PTPN14: variants seen among roughly 807,000 people sequenced by gnomAD.
PTPN14 encodes tyrosine-protein phosphatase non-receptor type 14.
Under a neutral mutation model 126.8 loss-of-function variants are expected in PTPN14, and 53 were observed. The ratio of observed to expected loss-of-function variants is 0.42; its 90% CI spans 0.34 to 0.53. PTPN14 has a LOEUF of 0.53. PTPN14 is among the 20% of genes least tolerant of loss of function. The probability of loss-of-function intolerance (pLI) is 0.08; values close to 1 mark genes in which losing one functional copy is unlikely to be tolerated. For missense variants in PTPN14, 1,257 were observed against 1,552.9 expected, an observed-to-expected ratio of 0.81 and a Z score of 3.20; for synonymous variants, 630 against 599.3, an observed-to-expected ratio of 1.05 and a Z score of -0.75.
In PTPN14 at chr1:214,397,969, A is replaced by G. The variant is rs906656488; in HGVS notation, c.702T>C (p.Ile234=). 2 of 1,613,114 alleles carry G rather than the reference A, an allele frequency of 1.2e-6. No individual in the cohort carries two copies. Among genetic ancestry groups the G allele is most frequent in the African/African-American group, 1.3e-5 (1 of 75,052 alleles). Residue 234 remains isoleucine (I), a synonymous_variant, in exon 8 of 19, where the codon ATT becomes ATC. Coordinates refer to ENST00000366956, the MANE Select transcript of PTPN14 (RefSeq NM_005401.5). The part of the protein sequence containing the change: ...DNHGNCVHLG[I]FFMGIFVRNR... Reference sequence around the variant, plus strand: ...TCCTCACGAAAATCCCCATAAAGAAAATGCCAAGGTGTACACAGTTTCCAT... The same window carrying G: ...TCCTCACGAAAATCCCCATAAAGAAGATGCCAAGGTGTACACAGTTTCCAT...
intron 1 of PTPN14, among the ~76,000 whole-genome samples, chr1:214,511,539 G>A (rs1654974240): frequency 6.6e-6 from 1 of 152,010 alleles, no homozygotes; most frequent in Non-Finnish European, 1.5e-5. Context: ...CGAGGATGTG[G>A]GAAAAATTGG....
At chr1:214,504,716 T>A (rs1654790371) in intron 1 of PTPN14, among the ~76,000 whole-genome samples, 1 of 152,176 alleles carries the variant, frequency 6.6e-6, no homozygotes, top group Non-Finnish European at 1.5e-5. Context: ...GGCACCAGCC[T>A]GAATGAGCTT....
At position 214,387,313 on chromosome 1, in the gene PTPN14, A is replaced by G. The variant is rs561281383; in HGVS notation, c.988-391T>C. On this transcript the variant is annotated intron_variant, in intron 11 of 18. Transcript: ENST00000366956. ...GATTGACTGAGCTCAGGAGTTCAAG[A>G]CCAGCCTGGGCAACACATTGAAATG... is the stretch of plus-strand genomic sequence containing the variant. Among the ~76,000 whole-genome samples, 4 of 152,316 alleles carry G rather than the reference A, an allele frequency of 2.6e-5. No homozygotes were observed. In the East Asian group the frequency reaches 7.7e-4, roughly 29 times the overall value.
intron 1 of PTPN14, among the ~76,000 whole-genome samples, chr1:214,516,608 G>T (rs1217832547): frequency 1.3e-5 from 2 of 152,152 alleles, no homozygotes; most frequent in East Asian, 3.8e-4. Flanking sequence ...AAGTTTGTTT[G>T]AAGTTACCTA....
At chr1:214,408,551 G>C (rs1659222901) in intron 5 of PTPN14, among the ~76,000 whole-genome samples, 1 of 152,208 alleles carries the variant, frequency 6.6e-6, no homozygotes, top group Non-Finnish European at 1.5e-5. Context: ...CACAGGCTGT[G>C]TGCCAGATGA....
intron 1 of PTPN14, among the ~76,000 whole-genome samples, chr1:214,540,566 G>C (rs1655810523): frequency 6.6e-6 from 1 of 152,120 alleles, no homozygotes. Flanking sequence ...CCACCCCAGA[G>C]CAAGCAGCGC....
At chr1:214,529,608 G>C (rs1015526013) in intron 1 of PTPN14, 4 of 152,204 alleles carry the variant, frequency 2.6e-5, no homozygotes, top group African/African-American at 9.7e-5. Context: ...CATGTGCTGG[G>C]GACGGTGGCT....
chr1:214,493,774 G>A lies in PTPN14; in HGVS notation c.-154-28817C>T, dbSNP rs1392758998. ...TATAATGTCACACATATATGGTCAAGATTTCAAATGTGAAATGACAGAATG... is the reference window on the plus strand; with the variant it reads ...TATAATGTCACACATATATGGTCAAAATTTCAAATGTGAAATGACAGAATG... On this transcript the variant is annotated intron_variant, in intron 1 of 18. Coordinates refer to ENST00000366956, the MANE Select transcript of PTPN14 (RefSeq NM_005401.5). Among the ~76,000 whole-genome samples the A allele has an allele frequency of 2.0e-5, 3 of 152,200 alleles. No homozygotes were observed. In the East Asian group the frequency reaches 5.8e-4, roughly 29 times the overall value.
chr1:214,368,432 C>T (rs1310072299), intron 17 of PTPN14, among the ~76,000 whole-genome samples: 4 of 152,088 alleles, frequency 2.6e-5, no homozygotes, highest in Non-Finnish European at 5.9e-5. Flanking sequence ...AACTCCTCAC[C>T]TCGGGTGATC....
At chr1:214,358,137 C>T in intron 18 of PTPN14, 87 bp from the exon 19 acceptor site, 10 of 1,494,354 alleles carry the variant, frequency 6.7e-6, no homozygotes, top group Non-Finnish European at 9.1e-6. Flanking sequence ...GAAGCACTCA[C>T]CCACTGCCCA....
chr1:214,420,773 A>C (rs532959814), intron 3 of PTPN14, among the ~76,000 whole-genome samples: 1 of 152,320 alleles, frequency 6.6e-6, no homozygotes, highest in African/African-American at 2.4e-5. Context: ...ATCCTATGCT[A>C]TTGGGTACAG....
At chr1:214,463,701 C>G (rs1301695107) in intron 2 of PTPN14, among the ~76,000 whole-genome samples, 2 of 152,184 alleles carry the variant, frequency 1.3e-5, no homozygotes, top group Non-Finnish European at 2.9e-5. Flanking sequence ...TCATCGAGGT[C>G]CTGGGCAATG....
intron 1 of PTPN14, among the ~76,000 whole-genome samples, chr1:214,473,905 G>C (rs1205519542): frequency 6.6e-6 from 1 of 152,106 alleles, no homozygotes; most frequent in African/African-American, 2.4e-5. Context: ...ATTATTTTTA[G>C]CCAAGTAAAG....
chr1:214,504,360 T>C (rs1357418244), intron 1 of PTPN14, among the ~76,000 whole-genome samples: 2 of 152,172 alleles, frequency 1.3e-5, no homozygotes, highest in Non-Finnish European at 2.9e-5. Flanking sequence ...ACACCATTCC[T>C]GAGAACAGAC....
At chr1:214,380,847 T>C (rs1364110665) in intron 13 of PTPN14, among the ~76,000 whole-genome samples, 1 of 152,194 alleles carries the variant, frequency 6.6e-6, no homozygotes, top group Non-Finnish European at 1.5e-5. Flanking sequence ...GAGACTCATC[T>C]TGGGCTCAAA....
rs184834300 is a variant in PTPN14 at position 214,391,369 on chromosome 1, T to C, written c.930-324A>G. ...CCATTATTACATGGATTTTAAAAAA[T>C]TGTACTCTTTCTACTGTTGTATATA... On this transcript the variant is annotated intron_variant, in intron 10 of 18. Transcript: ENST00000366956. Among the ~76,000 whole-genome samples, 841 of 152,192 alleles carry C rather than the reference T, an allele frequency of 5.5e-3. 10 individuals are homozygous for C. Among genetic ancestry groups the C allele is most frequent in the African/African-American group, 0.019 (795 of 41,532 alleles).
intron 3 of PTPN14, among the ~76,000 whole-genome samples, chr1:214,438,141 A>G (rs1016384156): frequency 1.3e-5 from 2 of 152,190 alleles, no homozygotes. Flanking sequence ...TTTTCAGACT[A>G]CAGTCTCTTC....
At chr1:214,435,062 CGCAG>C (rs1339306809) in intron 3 of PTPN14, among the ~76,000 whole-genome samples, 1 of 152,180 alleles carries the variant, frequency 6.6e-6, no homozygotes, top group Non-Finnish European at 1.5e-5. Flanking sequence ...GCATGTGGCC[CGCAG>C]GCTGCGGGTT....
chr1:214,368,023 T>A (rs1021226098), intron 17 of PTPN14, among the ~76,000 whole-genome samples: 16 of 152,156 alleles, frequency 1.1e-4, no homozygotes, highest in Non-Finnish European at 2.2e-4. Context: ...ATTAATGAAT[T>A]AGCCATTGAG....
Sources: allele counts gnomAD v4.1 joint callset (sites outside exome capture counted in the v4.1 genomes callset), GRCh38; gene constraint gnomAD v4.1.1; transcripts MANE v1.5; gene names NCBI Gene and HGNC (gene_info 2026-07-23, HGNC 2026-07-21).